EGFLAM: variants seen among roughly 807,000 people sequenced by gnomAD.
EGFLAM encodes the protein EGF like, fibronectin type III and laminin G domains, also known as pikachurin.
EGFLAM carries 79 observed loss-of-function variants against 113.1 expected under a neutral mutation model. The observed-to-expected ratio is 0.70, with a 90% CI of 0.58 to 0.84. The LOEUF is 0.84. Ranked by LOEUF, EGFLAM falls within the 40% of genes least tolerant of loss-of-function variation. EGFLAM has a pLI of 0.00. For missense variants in EGFLAM, 1,265 were observed against 1,291.6 expected, an observed-to-expected ratio of 0.98 and a Z score of 0.32; for synonymous variants, 504 against 487.6, an observed-to-expected ratio of 1.03 and a Z score of -0.44.
intron 1 of EGFLAM, among the ~76,000 whole-genome samples, chr5:38,292,856 G>A (rs929557319): frequency 1.3e-5 from 2 of 152,192 alleles, no homozygotes; most frequent in African/African-American, 4.8e-5. Context: ...TACACTAGAT[G>A]AGGTAAGTCA....
chr5:38,462,636 T>C (rs1579967741), intron 20 of EGFLAM: 1 of 372,482 alleles, frequency 2.7e-6, no homozygotes, highest in East Asian at 5.4e-5. Context: ...GCTGCTCCTC[T>C]GGTGTAATTC....
At chr5:38,448,953 G>A (rs536032739) in intron 18 of EGFLAM, among the ~76,000 whole-genome samples, 457 of 152,318 alleles carry the variant, frequency 3.0e-3, no homozygotes, top group Non-Finnish European at 5.0e-3. Context: ...ACAGGGAAAT[G>A]CCCAAGTCAC....
intron 16 of EGFLAM, 86 bp from the exon 17 acceptor site, chr5:38,438,189 C>T (rs1393501634): frequency 2.8e-6 from 4 of 1,435,762 alleles, no homozygotes; most frequent in East Asian, 2.4e-5. Context: ...CTATGTGTAG[C>T]TCAGGTTAAT....
chr5:38,451,446 C>A lies in EGFLAM; in HGVS notation c.2675C>A (p.Ala892Asp). Residue 892 changes from alanine to aspartate, a missense_variant, in exon 19 of 22, where the codon GCC becomes GAC. Physicochemically the swap from Ala to Asp is moderately radical, Grantham distance 126 (BLOSUM62 -2). Coordinates refer to ENST00000322350, the MANE Select transcript of EGFLAM (RefSeq NM_152403.4). ...ATTTCCTTGGGCCTTCGGGATGGAGCCCTCGTGTTCAGGTAACCCCCTCTC... is the reference window on the plus strand; with the variant it reads ...ATTTCCTTGGGCCTTCGGGATGGAGACCTCGTGTTCAGGTAACCCCCTCTC... ...DFISLGLRDG[A>D]LVFSYNLGSG... 2 of 1,614,044 alleles carry A rather than the reference C, an allele frequency of 1.2e-6. No individual in the cohort carries two copies. Among genetic ancestry groups the A allele is most frequent in the Non-Finnish European group, 1.7e-6 (2 of 1,179,944 alleles).
chr5:38,440,335 T>C (rs1329828452), intron 17 of EGFLAM, among the ~76,000 whole-genome samples: 1 of 152,212 alleles, frequency 6.6e-6, no homozygotes, highest in Non-Finnish European at 1.5e-5. Flanking sequence ...AAGGTTCATA[T>C]ATCAGAGGTA....
chr5:38,416,118 T>C (rs556646604), intron 11 of EGFLAM, among the ~76,000 whole-genome samples: 64 of 152,302 alleles, frequency 4.2e-4, no homozygotes, highest in African/African-American at 9.9e-4. Context: ...ACTCAGGCTG[T>C]AGATTGCCTC....
chr5:38,345,163 C>A (rs1415788793), intron 3 of EGFLAM, among the ~76,000 whole-genome samples: 1 of 152,186 alleles, frequency 6.6e-6, no homozygotes, highest in South Asian at 2.1e-4. Context: ...GGAAATCAGA[C>A]CAACTGTTGC....
At chr5:38,451,668 A>G in intron 19 of EGFLAM, 1 of 629,786 alleles carries the variant, frequency 1.6e-6, no homozygotes, top group Non-Finnish European at 2.5e-6. Context: ...TGCAGGCCAA[A>G]TCTGACCCAC....
At chr5:38,459,876 C>T (rs1038781995) in intron 20 of EGFLAM, among the ~76,000 whole-genome samples, 14 of 152,310 alleles carry the variant, frequency 9.2e-5, no homozygotes, top group African/African-American at 3.4e-4. Context: ...CCCAGATGGT[C>T]TAGAAAGCCC....
intron 11 of EGFLAM, 80 bp downstream of exon 11, chr5:38,412,728 C>A: frequency 1.3e-6 from 2 of 1,528,730 alleles, no homozygotes; most frequent in Non-Finnish European, 1.7e-6. Context: ...TGCAGAGAGC[C>A]GTGGCAGAGT....
At chr5:38,398,224 A>G (rs1741013080) in intron 6 of EGFLAM, among the ~76,000 whole-genome samples, 1 of 152,200 alleles carries the variant, frequency 6.6e-6, no homozygotes, top group Non-Finnish European at 1.5e-5. Context: ...CTGCTGTCAT[A>G]TATTTTTATT....
At chr5:38,296,278 T>C (rs1437474365) in intron 1 of EGFLAM, among the ~76,000 whole-genome samples, 1 of 152,046 alleles carries the variant, frequency 6.6e-6, no homozygotes, top group Non-Finnish European at 1.5e-5. Context: ...AGCTAAAGAG[T>C]TGTTTTATAG....
In EGFLAM at chr5:38,275,637, C is replaced by T. The variant is rs115553287; in HGVS notation, c.97+16786C>T. 5.1e-3 allele frequency among the ~76,000 whole-genome samples: 778 copies of T among 152,234 alleles called. 10 individuals carry two copies. The highest frequency in any genetic ancestry group is 0.018 in the African/African-American group (746 of 41,542). ...CAGCAATGTGAATAGTAAGGGACTT[C>T]AATATCCCACTTTCATCAATGGGCA... On this transcript the variant is annotated intron_variant, in intron 1 of 21. Transcript: ENST00000322350.
chr5:38,360,907 T>A (rs1240421018), intron 5 of EGFLAM, among the ~76,000 whole-genome samples: 1 of 151,906 alleles, frequency 6.6e-6, no homozygotes, highest in Non-Finnish European at 1.5e-5. Context: ...TAGGCCGGAG[T>A]GCAGTGGTGT....
intron 20 of EGFLAM, among the ~76,000 whole-genome samples, chr5:38,460,408 A>T (rs1174044100): frequency 6.6e-6 from 1 of 152,230 alleles, no homozygotes; most frequent in Non-Finnish European, 1.5e-5. Flanking sequence ...AAAAGCCAAG[A>T]TTAGAATCCC....
At chr5:38,419,716 T>G in intron 12 of EGFLAM, among the ~76,000 whole-genome samples, 1 of 152,162 alleles carries the variant, frequency 6.6e-6, no homozygotes, top group East Asian at 1.9e-4. Context: ...GGTGCTATCA[T>G]TAGCCTTACT....
Position 38,387,768 on chromosome 5 carries a change from C to T in EGFLAM, c.712+17306C>T, listed in dbSNP as rs553446398. ...CAGTTACTCTTGCTTGTATTTATTT[C>T]GAAAACGTTTCTTGGACACAGATTA... On this transcript the variant is annotated intron_variant, in intron 6 of 21. Transcript: ENST00000322350. Among the ~76,000 whole-genome samples the T allele has an allele frequency of 3.3e-5, 5 of 152,334 alleles. No individual in the cohort carries two copies. In the East Asian group the frequency reaches 7.7e-4, roughly 23 times the overall value.
At chr5:38,407,692 T>C (rs759728933) in intron 8 of EGFLAM, 113 bp from the exon 9 acceptor site, 2 of 688,684 alleles carry the variant, frequency 2.9e-6, no homozygotes, top group African/African-American at 1.8e-5. Flanking sequence ...CGAAGTTGAA[T>C]AGATTAGTGA....
At chr5:38,448,443 A>C in intron 18 of EGFLAM, 64 bp downstream of exon 18, 11 of 1,534,114 alleles carry the variant, frequency 7.2e-6, no homozygotes, top group Non-Finnish European at 9.9e-6. Flanking sequence ...TATCTTTCTC[A>C]GGGCTTTTTC....
Sources: gnomAD v4.1 joint callset for allele counts (sites outside exome capture counted in the v4.1 genomes callset) on GRCh38, gnomAD v4.1.1 for gene constraint, MANE v1.5 for transcripts, NCBI Gene and HGNC (gene_info 2026-07-23, HGNC 2026-07-21) for gene names.